Variants in LYPLAL1 observed in about 807,000 individuals in gnomAD.
LYPLAL1 encodes lysophospholipase-like protein 1.
LYPLAL1 carries 23 observed loss-of-function variants against 19.7 expected under a neutral mutation model. The observed-to-expected ratio is 1.17, with a 90% CI of 0.84 to 1.65. The LOEUF (loss-of-function observed/expected upper bound fraction) is 1.65, where lower values mean the gene tolerates loss of function less well. Among genes scored for constraint, LYPLAL1 ranks in the 40% most tolerant of loss-of-function variants. LYPLAL1 has a pLI of 0.00. For synonymous variants in LYPLAL1, 119 were observed against 96.3 expected (o/e 1.24, Z -1.38); for missense variants, 355 against 279.4 (o/e 1.27, Z -1.93).
intron 3 of LYPLAL1, among the ~76,000 whole-genome samples, chr1:219,204,856 T>A (rs1025958431): frequency 2.0e-5 from 3 of 152,142 alleles, no homozygotes; most frequent in Non-Finnish European, 4.4e-5. Flanking sequence ...TGTTATAATT[T>A]AGGCTTAACT....
At chr1:219,270,302 T>C in the LYPLAL1 span, among the ~76,000 whole-genome samples, 1 of 152,240 alleles carries the variant, frequency 6.6e-6, no homozygotes, top group African/African-American at 2.4e-5. Flanking sequence ...GAAAGAGAAG[T>C]GCTCTCTCTG....
At chr1:219,259,251 T>C in the LYPLAL1 span, among the ~76,000 whole-genome samples, 25 of 152,022 alleles carry the variant, frequency 1.6e-4, no homozygotes, top group African/African-American at 6.0e-4. Flanking sequence ...GATACAGCAA[T>C]CCTACTGAGT....
At chr1:219,323,469 T>A in the LYPLAL1 span, among the ~76,000 whole-genome samples, 2 of 152,146 alleles carry the variant, frequency 1.3e-5, no homozygotes, top group East Asian at 3.9e-4. Context: ...TTCTCATCTG[T>A]CTGTGCCCCA....
At chr1:219,352,173 T>C in the LYPLAL1 span, among the ~76,000 whole-genome samples, 1 of 152,198 alleles carries the variant, frequency 6.6e-6, no homozygotes, top group Non-Finnish European at 1.5e-5. Flanking sequence ...CAACTGATTT[T>C]ACTTAGCTCA....
chr1:219,176,908 G>GA (rs1030803303), intron 1 of LYPLAL1, among the ~76,000 whole-genome samples: 18 of 152,052 alleles, frequency 1.2e-4, no homozygotes, highest in African/African-American at 4.3e-4. Context: ...ATACAGCAAT[G>GA]AAAAAAACAA....
chr1:219,193,054 T>G (rs1657306607), intron 2 of LYPLAL1, 28 bp from the exon 3 acceptor site: 1 of 1,370,082 alleles, frequency 7.3e-7, no homozygotes, highest in Non-Finnish European at 9.6e-7. Context: ...CCTTTCTTTT[T>G]TTTTGGGGGG....
chr1:219,299,383 G>A, the LYPLAL1 span, among the ~76,000 whole-genome samples: 4 of 152,050 alleles, frequency 2.6e-5, no homozygotes, highest in African/African-American at 9.7e-5. Context: ...GGAAACCACG[G>A]GAAAGTTTAA....
the LYPLAL1 span, among the ~76,000 whole-genome samples, chr1:219,365,012 T>G: frequency 6.6e-6 from 1 of 152,110 alleles, no homozygotes; most frequent in African/African-American, 2.4e-5. Context: ...ATCTGATAGT[T>G]ACATCAGATT....
At chr1:219,393,103 G>A in the LYPLAL1 span, among the ~76,000 whole-genome samples, 1 of 152,196 alleles carries the variant, frequency 6.6e-6, no homozygotes, top group Non-Finnish European at 1.5e-5. Flanking sequence ...AGCTAAAGCT[G>A]TAAGGGTTGG....
chr1:219,285,816 A>C, the LYPLAL1 span, among the ~76,000 whole-genome samples: 3,645 of 152,286 alleles, frequency 0.024, 167 homozygotes, highest in African/African-American at 0.084. Flanking sequence ...TGCACAAGTG[A>C]GAGAAAGTAC....
chr1:219,222,787 A>T, the LYPLAL1 span: 1 of 152,194 alleles, frequency 6.6e-6, no homozygotes, highest in Non-Finnish European at 1.5e-5. Context: ...GTCCAAGAGC[A>T]CAGTGCCAGC....
chr1:219,319,168 G>C, the LYPLAL1 span, among the ~76,000 whole-genome samples: 1 of 152,172 alleles, frequency 6.6e-6, no homozygotes, highest in Non-Finnish European at 1.5e-5. Flanking sequence ...GTAAGGACTG[G>C]AGGAGAAAGG....
At chr1:219,327,653 G>C in the LYPLAL1 span, among the ~76,000 whole-genome samples, 1 of 152,150 alleles carries the variant, frequency 6.6e-6, no homozygotes, top group Non-Finnish European at 1.5e-5. Context: ...GTTTGGCTGT[G>C]TCCCCACTGA....
the LYPLAL1 span, among the ~76,000 whole-genome samples, chr1:219,355,074 C>G: frequency 1.1e-4 from 16 of 152,170 alleles, no homozygotes; most frequent in African/African-American, 3.9e-4. Context: ...AAGATGCATA[C>G]TGTGAGCCAT....
the LYPLAL1 span, among the ~76,000 whole-genome samples, chr1:219,289,369 A>G: frequency 6.6e-6 from 1 of 152,166 alleles, no homozygotes; most frequent in Non-Finnish European, 1.5e-5. Flanking sequence ...GAAGTGCTGT[A>G]TATTTATATT....
At chr1:219,330,071 AG>A in the LYPLAL1 span, among the ~76,000 whole-genome samples, 1 of 152,204 alleles carries the variant, frequency 6.6e-6, no homozygotes, top group Non-Finnish European at 1.5e-5. Context: ...GTGTCACAAA[AG>A]CATGTGAGTT....
rs1656057795 is a variant in LYPLAL1 at position 219,179,171 on chromosome 1, T to A, written c.116T>A (p.Met39Lys). ...GSGDSGQGLR[M>K]WIKQVLNQDL... ...GGTGATTCTGGACAAGGATTAAGAA[T>A]GTGGATCAAGCAGGTTTTAAATCAA... Residue 39 changes from methionine to lysine, a missense_variant, in exon 2 of 5, where the codon ATG becomes AAG. By Grantham distance (95) the Met-to-Lys change is moderately conservative. Transcript: ENST00000366928. 1.9e-6 allele frequency: 3 copies of A among 1,611,870 alleles called. No homozygotes were observed. The highest frequency in any genetic ancestry group is 1.7e-6 in the Non-Finnish European group (2 of 1,179,170).
chr1:219,380,875 G>T, the LYPLAL1 span, among the ~76,000 whole-genome samples: 1 of 152,174 alleles, frequency 6.6e-6, no homozygotes, highest in Non-Finnish European at 1.5e-5. Flanking sequence ...GAGAGGCTGT[G>T]TTCTAATAAA....
At chr1:219,188,017 G>A (rs1656865120) in intron 2 of LYPLAL1, among the ~76,000 whole-genome samples, 1 of 151,174 alleles carries the variant, frequency 6.6e-6, no homozygotes, top group Non-Finnish European at 1.5e-5. Flanking sequence ...AAGAGTTAAA[G>A]TCAAAATATA....
Sources: gnomAD v4.1 joint callset for allele counts (sites outside exome capture counted in the v4.1 genomes callset) on GRCh38, gnomAD v4.1.1 for gene constraint, MANE v1.5 for transcripts, NCBI Gene and HGNC (gene_info 2026-07-23, HGNC 2026-07-21) for gene names.